The following HTR2C variants were observed in gnomAD, a reference collection of about 807,000 sequenced individuals.
HTR2C encodes the protein 5-hydroxytryptamine receptor 2C.
In HTR2C, 5 loss-of-function variants were observed where a neutral mutation model predicts 21.0. The observed-to-expected ratio is 0.24, with a 90% CI of 0.12 to 0.50. The LOEUF is 0.50. Ranked by LOEUF, HTR2C falls within the 20% of genes least tolerant of loss-of-function variation. The pLI, the probability that HTR2C is intolerant of heterozygous loss-of-function variation, is 0.98. For synonymous variants in HTR2C, 150 were observed against 145.3 expected (o/e 1.03, Z -0.23); for missense variants, 271 against 371.2 (o/e 0.73, Z 2.22).
intron 1 of HTR2C, among the ~76,000 whole-genome samples, chrX:114,604,839 T>C (rs1751207634): frequency 9.0e-6 from 1 of 111,422 alleles, no homozygotes; most frequent in South Asian, 3.8e-4. Context: ...TCTTGTGTGC[T>C]GGAGATGTGG....
At chrX:114,805,626 CATATATAT>C (rs781967443) in intron 4 of HTR2C, among the ~76,000 whole-genome samples, 1 of 9,505 alleles carries the variant, frequency 1.1e-4, no homozygotes, top group African/African-American at 5.4e-4. Context: ...ATATATATAC[CATATATAT>C]ACCATATATA....
intron 2 of HTR2C, among the ~76,000 whole-genome samples, chrX:114,713,879 TACAC>T (rs1166804049): frequency 1.8e-5 from 2 of 110,985 alleles, no homozygotes; most frequent in African/African-American, 6.5e-5. Context: ...GACACACACA[TACAC>T]ACACAGAGTC....
intron 5 of HTR2C, among the ~76,000 whole-genome samples, chrX:114,854,512 C>G (rs782593993): frequency 9.1e-6 from 1 of 110,361 alleles, no homozygotes; most frequent in Admixed American, 9.7e-5. Context: ...AACCATGACT[C>G]GGTAACGTAC....
At chrX:114,850,978 C>CA (rs1321670308) in intron 5 of HTR2C, among the ~76,000 whole-genome samples, 2 of 110,768 alleles carry the variant, frequency 1.8e-5, no homozygotes, top group African/African-American at 6.6e-5. Flanking sequence ...GACTTTTCGG[C>CA]AAAAAACAAA....
chrX:114,884,928 T>A (rs1556480828), intron 5 of HTR2C, among the ~76,000 whole-genome samples: 1 of 111,123 alleles, frequency 9.0e-6, no homozygotes, highest in Admixed American at 9.7e-5. Context: ...CCTTTAAAGT[T>A]TGTCGAGGTT....
chrX:114,720,775 T>TTTG (rs1290596129), intron 2 of HTR2C, among the ~76,000 whole-genome samples: 5 of 31,770 alleles, frequency 1.6e-4, no homozygotes, highest in African/African-American at 4.5e-4. Flanking sequence ...TGTTTGGTTT[T>TTTG]TTGTTCTTGC....
At position 114,904,680 on chromosome X, in the gene HTR2C, T is replaced by A. The variant is rs192877535; in HGVS notation, c.551-1909T>A. Among the ~76,000 whole-genome samples, 16 of 111,455 alleles carry A rather than the reference T, an allele frequency of 1.4e-4. No individual in the cohort carries two copies. The East Asian group carries it at 4.5e-3, about 31-fold the overall frequency. ...TAAGTTCCCCCTCTAACATTTTCTC[T>A]TGTAAATTTTTTTAAAGAAACTCTT... On this transcript the variant is annotated intron_variant, in intron 5 of 5. Transcript: ENST00000276198.
At chrX:114,762,029 C>T (rs2069883534) in intron 4 of HTR2C, among the ~76,000 whole-genome samples, 1 of 62,214 alleles carries the variant, frequency 1.6e-5, no homozygotes, top group African/African-American at 5.3e-5. Context: ...ACTATTTGTA[C>T]ACATATATGT....
At chrX:114,804,718 C>G (rs2070384908) in intron 4 of HTR2C, among the ~76,000 whole-genome samples, 1 of 111,468 alleles carries the variant, frequency 9.0e-6, no homozygotes, top group Admixed American at 9.6e-5. Flanking sequence ...CATTTAACAC[C>G]TTCAGCTAGT....
intron 2 of HTR2C, among the ~76,000 whole-genome samples, chrX:114,627,295 C>T (rs185466713): frequency 9.1e-6 from 1 of 110,213 alleles, no homozygotes; most frequent in Non-Finnish European, 1.9e-5. Context: ...CATCTTTTTC[C>T]CCTTCTTCTA....
At chrX:114,710,133 A>G (rs781970966) in intron 2 of HTR2C, among the ~76,000 whole-genome samples, 2 of 111,739 alleles carry the variant, frequency 1.8e-5, no homozygotes, top group Non-Finnish European at 3.8e-5. Flanking sequence ...CTATTAAAAC[A>G]GAAAGTTAGA....
At chrX:114,787,615 T>C (rs17095556) in intron 4 of HTR2C, among the ~76,000 whole-genome samples, 2,025 of 111,928 alleles carry the variant, frequency 0.018, 49 homozygotes, top group African/African-American at 0.063. Flanking sequence ...CAGGGTTTTC[T>C]TTTCATGCAG....
chrX:114,765,021 TTTC>T (rs1292128019), intron 4 of HTR2C, among the ~76,000 whole-genome samples: 1 of 106,890 alleles, frequency 9.4e-6, no homozygotes, highest in Non-Finnish European at 1.9e-5. Flanking sequence ...TCTTTCTTTC[TTTC>T]TTTTTTCTTT....
At chrX:114,585,939 G>A (rs1442428701) in intron 1 of HTR2C, among the ~76,000 whole-genome samples, 3 of 110,235 alleles carry the variant, frequency 2.7e-5, no homozygotes, top group African/African-American at 6.6e-5. Flanking sequence ...GAGGAAATGC[G>A]GCGCACTGAG....
intron 2 of HTR2C, among the ~76,000 whole-genome samples, chrX:114,641,265 G>T (rs1170706397): frequency 9.0e-6 from 1 of 110,503 alleles, no homozygotes; most frequent in Non-Finnish European, 1.9e-5. Context: ...ACTGGATTCT[G>T]TTGACATATA....
intron 4 of HTR2C, among the ~76,000 whole-genome samples, chrX:114,779,131 C>A (rs2070089811): frequency 9.0e-6 from 1 of 110,988 alleles, no homozygotes; most frequent in African/African-American, 3.3e-5. Flanking sequence ...ATTGTCTAGA[C>A]CTGAATTTAG....
At chrX:114,820,941 T>C in intron 4 of HTR2C, among the ~76,000 whole-genome samples, 1 of 111,867 alleles carries the variant, frequency 8.9e-6, no homozygotes, top group Non-Finnish European at 1.9e-5. Flanking sequence ...TTAATTAAAA[T>C]TTCACAGTCA....
rs201818696 is a variant in HTR2C at position 114,613,860 on chromosome X, A to G, written c.-101A>G. 9.0e-6 allele frequency: 1 copy of G among 111,348 alleles called. No homozygotes were observed. Among genetic ancestry groups the G allele is most frequent in the African/African-American group, 3.3e-5 (1 of 30,452 alleles). The allele number at this position is 111,348 out of a possible 1,213,427, so 9.2% of individuals were successfully genotyped here. On this transcript the variant is annotated 5_prime_UTR_variant, in exon 2 of 6. Transcript: ENST00000276198. ...GAGCATCTATAACATAGGCCAACTG[A>G]CGCCATCCTTCAAAAACAACTGTAA...
intron 1 of HTR2C, among the ~76,000 whole-genome samples, chrX:114,602,554 A>T (rs1248462303): frequency 1.3e-5 from 1 of 78,696 alleles, no homozygotes; most frequent in East Asian, 4.2e-4. Context: ...ACCATAAGGG[A>T]TATAAAGGTT....
Sources: allele counts gnomAD v4.1 joint callset (sites outside exome capture counted in the v4.1 genomes callset), GRCh38; gene constraint gnomAD v4.1.1; transcripts MANE v1.5; gene names NCBI Gene and HGNC (gene_info 2026-07-23, HGNC 2026-07-21).